LITAF: variants seen among roughly 807,000 people sequenced by gnomAD.
LITAF encodes the protein lipopolysaccharide induced TNF factor, also known as lipopolysaccharide-induced tumor necrosis factor-alpha factor.
LITAF carries 9 observed loss-of-function variants against 14.5 expected under a neutral mutation model. The observed-to-expected ratio is 0.62, with a 90% confidence interval of 0.37 to 1.08. LITAF has a LOEUF of 1.08. Among genes scored for constraint, LITAF ranks in the 50% least tolerant of loss-of-function variants. The probability of loss-of-function intolerance (pLI) is 0.01; values close to 1 mark genes in which losing one functional copy is unlikely to be tolerated. For synonymous variants in LITAF, 98 were observed against 88.2 expected (o/e 1.11, Z -0.62); for missense variants, 206 against 213.4 (o/e 0.97, Z 0.22).
upstream of LITAF, among the ~76,000 whole-genome samples, chr16:11,600,790 G>C (rs975387284): frequency 2.0e-5 from 3 of 152,184 alleles, no homozygotes; most frequent in East Asian, 5.8e-4. This position sits in a 1 kb window ranked among gnomAD's most constrained non-coding sequence, Gnocchi z 4.1. Context: ...CACCAACCCT[G>C]TGTCCCCTCT....
chr16:11,551,786 C>G (rs753830914), intron 3 of LITAF: 1 of 673,364 alleles, frequency 1.5e-6, no homozygotes, highest in African/African-American at 1.8e-5. Flanking sequence ...GAGCTACGAT[C>G]GTACCACTGC....
At chr16:11,610,664 G>A (rs1314692731) in intron 3 of LITAF, among the ~76,000 whole-genome samples, 1 of 152,168 alleles carries the variant, frequency 6.6e-6, no homozygotes, top group Admixed American at 6.5e-5. Context: ...TCGCCCAGTG[G>A]TCATAATCTA....
chr16:11,629,403 C>A (rs2065104869), intron 3 of LITAF, among the ~76,000 whole-genome samples: 1 of 152,194 alleles, frequency 6.6e-6, no homozygotes, highest in African/African-American at 2.4e-5. Flanking sequence ...GGAAGAACAG[C>A]AGACAGGTCC....
chr16:11,598,363 G>C (rs979319530), intron 1 of LITAF: 3 of 149,266 alleles, frequency 2.0e-5, no homozygotes. Flanking sequence ...GAACCTCCTT[G>C]TCTAGGGTTT....
intron 3 of LITAF, among the ~76,000 whole-genome samples, chr16:11,628,939 G>A (rs528231348): frequency 1.3e-5 from 2 of 152,316 alleles, no homozygotes; most frequent in South Asian, 4.1e-4. Flanking sequence ...GCCTCCCAAA[G>A]TGCTGGGATT....
chr16:11,621,339 T>C (rs1190524601), intron 3 of LITAF, among the ~76,000 whole-genome samples: 4 of 152,032 alleles, frequency 2.6e-5, no homozygotes, highest in Non-Finnish European at 5.9e-5. Context: ...GCTGGGATTA[T>C]AGGCATGAGC....
intron 1 of LITAF, among the ~76,000 whole-genome samples, chr16:11,562,187 C>T (rs1013077217): frequency 1.7e-4 from 26 of 151,660 alleles, no homozygotes; most frequent in African/African-American, 5.8e-4. Context: ...TCTCAAAGTG[C>T]TGGGATTACA....
At chr16:11,599,782 T>C (rs2064916096), upstream of LITAF, among the ~76,000 whole-genome samples, 2 of 152,074 alleles carry the variant, frequency 1.3e-5, no homozygotes, top group African/African-American at 4.8e-5. Flanking sequence ...CTCCCAGCTG[T>C]TTCAGAACTG....
intron 1 of LITAF, among the ~76,000 whole-genome samples, chr16:11,585,484 T>C (rs1396091387): frequency 1.3e-5 from 2 of 152,158 alleles, no homozygotes; most frequent in South Asian, 2.1e-4. Context: ...AAGTGCAATA[T>C]GGGTGTTACT....
intron 1 of LITAF, among the ~76,000 whole-genome samples, chr16:11,592,959 A>G (rs2064856783): frequency 6.6e-6 from 1 of 152,260 alleles, no homozygotes; most frequent in Middle Eastern, 3.4e-3. Context: ...TCACGAGGTC[A>G]GGAGATCGAG....
chr16:11,588,863 C>T (rs577415255), upstream of LITAF, among the ~76,000 whole-genome samples: 1 of 151,660 alleles, frequency 6.6e-6, no homozygotes, highest in Non-Finnish European at 1.5e-5. Flanking sequence ...CTCCTTCCTT[C>T]CTTCCTTCCT....
Position 11,571,687 on chromosome 16 carries a change from T to C in LITAF, c.-5-14952A>G, listed in dbSNP as rs1206561554. On this transcript the variant is annotated intron_variant, in intron 1 of 3. Transcript: ENST00000622633. ...CTGGTTCAAACTTCAATCTGGTGAA[T>C]GTGGCCATCTCTAGGTGGGAGTGGG... Among the ~76,000 whole-genome samples the C allele has an allele frequency of 2.6e-5, 4 of 152,292 alleles. No individual in the cohort carries two copies. In the East Asian group the frequency reaches 7.7e-4, roughly 29 times the overall value.
At chr16:11,567,572 A>AT (rs1404067535) in intron 1 of LITAF, among the ~76,000 whole-genome samples, 1 of 152,156 alleles carries the variant, frequency 6.6e-6, no homozygotes, top group Non-Finnish European at 1.5e-5. Flanking sequence ...TGGTTGGTTC[A>AT]TTTTTTTCTC....
upstream of LITAF, among the ~76,000 whole-genome samples, chr16:11,590,792 G>C (rs2064842091): frequency 1.7e-5 from 2 of 117,232 alleles, 1 homozygote; most frequent in African/African-American, 8.1e-5. Context: ...GAGTGCAGTG[G>C]TACGATCTCG....
intron 1 of LITAF, among the ~76,000 whole-genome samples, chr16:11,580,821 G>A (rs2064720939): frequency 6.6e-6 from 1 of 152,110 alleles, no homozygotes; most frequent in Non-Finnish European, 1.5e-5. Context: ...CGGGAGTGCG[G>A]TGGCACTATC....
chr16:11,638,062 A>ATC (rs1567271085), upstream of LITAF, among the ~76,000 whole-genome samples: 114 of 104,938 alleles, frequency 1.1e-3, 5 homozygotes, highest in African/African-American at 5.5e-3. Flanking sequence ...ATCTATATAT[A>ATC]TATCTATATA....
chr16:11,593,785 G>A (rs1475464669), intron 1 of LITAF, among the ~76,000 whole-genome samples: 1 of 152,160 alleles, frequency 6.6e-6, no homozygotes, highest in African/African-American at 2.4e-5. Flanking sequence ...TACATGAAAT[G>A]TCCAGAATAG....
intron 1 of LITAF, among the ~76,000 whole-genome samples, chr16:11,563,818 C>A (rs904988019): frequency 6.6e-6 from 1 of 151,996 alleles, no homozygotes; most frequent in Non-Finnish European, 1.5e-5. Context: ...CCCAAAGCTG[C>A]ATATTTACTG....
chr16:11,630,563 T>A (rs548797596), intron 3 of LITAF, among the ~76,000 whole-genome samples: 7 of 139,416 alleles, frequency 5.0e-5, no homozygotes, highest in African/African-American at 1.9e-4. Context: ...TACCTGCCCC[T>A]GGCCAACTTT....
Sources: allele counts gnomAD v4.1 joint callset (sites outside exome capture counted in the v4.1 genomes callset), GRCh38; gene constraint gnomAD v4.1.1; non-coding constraint Gnocchi (gnomAD v3.1); transcripts MANE v1.5; gene names NCBI Gene and HGNC (gene_info 2026-07-23, HGNC 2026-07-21).